ACCSL: variants seen among roughly 807,000 people sequenced by gnomAD.
ACCSL encodes 1-aminocyclopropane-1-carboxylate synthase homolog (inactive) like.
ACCSL carries 55 observed loss-of-function variants against 61.7 expected under a neutral mutation model. That is an observed-to-expected ratio of 0.89 (90% CI 0.72 to 1.12). The LOEUF (loss-of-function observed/expected upper bound fraction) is 1.12. Ranked by LOEUF, ACCSL falls within the 50% of genes most tolerant of loss-of-function variation. ACCSL has a pLI of 0.00. For synonymous variants in ACCSL, 258 were observed against 264.3 expected (o/e 0.98, Z 0.23); for missense variants, 632 against 698.0 (o/e 0.91, Z 1.07).
the ACCSL span, chr11:43,943,526 AGTGC>A: frequency 1.5e-6 from 2 of 1,332,722 alleles, no homozygotes; most frequent in Non-Finnish European, 2.0e-6. The surrounding 1 kb of genome is among the most constrained non-coding windows in gnomAD (Gnocchi z 4.8). Context: ...AACTCTTCCC[AGTGC>A]GAACTCTGCT....
chr11:43,958,874 G>T, the ACCSL span, among the ~76,000 whole-genome samples: 13,889 of 152,148 alleles, frequency 0.091, 652 homozygotes, highest in Non-Finnish European at 0.11. Context: ...TCAACTGGGG[G>T]CTTAGAATTT....
the ACCSL span, among the ~76,000 whole-genome samples, chr11:44,004,128 G>A: frequency 2.0e-5 from 3 of 151,734 alleles, no homozygotes; most frequent in Non-Finnish European, 4.4e-5. Context: ...CAGGGGAGGG[G>A]CTGAGTCTGC....
the ACCSL span, among the ~76,000 whole-genome samples, chr11:43,969,737 G>A: frequency 1.3e-5 from 2 of 152,074 alleles, no homozygotes; most frequent in African/African-American, 4.8e-5. Flanking sequence ...CTGGTCCCCA[G>A]GGCCCTGCCA....
chr11:44,055,662 A>G (rs1352293010), intron 9 of ACCSL, among the ~76,000 whole-genome samples: 1 of 152,252 alleles, frequency 6.6e-6, no homozygotes, highest in Non-Finnish European at 1.5e-5. Flanking sequence ...CAAGGGAAGG[A>G]AATGCCTGGC....
At chr11:44,046,706 A>T (rs1041634200), upstream of ACCSL, among the ~76,000 whole-genome samples, 6 of 152,106 alleles carry the variant, frequency 3.9e-5, no homozygotes, top group Admixed American at 3.9e-4. Context: ...AGGGGGAAAA[A>T]CTTGGAATTG....
the ACCSL span, among the ~76,000 whole-genome samples, chr11:44,042,645 TG>T: frequency 1.3e-5 from 2 of 149,994 alleles, no homozygotes; most frequent in Non-Finnish European, 3.0e-5. Flanking sequence ...TTGTTTGTTT[TG>T]TTTGTTTTTT....
the ACCSL span, among the ~76,000 whole-genome samples, chr11:43,983,840 G>T: frequency 6.6e-6 from 1 of 152,118 alleles, no homozygotes; most frequent in Non-Finnish European, 1.5e-5. Context: ...GTCAGGCCGG[G>T]CGCTGTGGCT....
At chr11:43,943,509 A>AT in the ACCSL span, 8 of 1,355,754 alleles carry the variant, frequency 5.9e-6, no homozygotes, top group Admixed American at 6.6e-5. This position sits in a 1 kb window ranked among gnomAD's most constrained non-coding sequence, Gnocchi z 4.8. Flanking sequence ...GTAAATGTTT[A>AT]TTTTTTAACT....
chr11:44,030,739 A>T, the ACCSL span, among the ~76,000 whole-genome samples: 608 of 151,852 alleles, frequency 4.0e-3, 3 homozygotes, highest in East Asian at 0.03. Flanking sequence ...GTTTGGGTTT[A>T]AAAAAAAATT....
the ACCSL span, among the ~76,000 whole-genome samples, chr11:44,005,743 T>A: frequency 6.6e-6 from 1 of 152,128 alleles, no homozygotes; most frequent in African/African-American, 2.4e-5. Context: ...GGTAAAGCTG[T>A]GCAGGTAATT....
the ACCSL span, among the ~76,000 whole-genome samples, chr11:43,956,586 AT>A: frequency 6.6e-6 from 1 of 152,038 alleles, no homozygotes; most frequent in Non-Finnish European, 1.5e-5. Flanking sequence ...CACCCGGCTA[AT>A]TTTTTGTATT....
the ACCSL span, among the ~76,000 whole-genome samples, chr11:44,014,124 T>C: frequency 6.6e-6 from 1 of 152,222 alleles, no homozygotes; most frequent in Non-Finnish European, 1.5e-5. Context: ...GCCAGTTATA[T>C]ACCGCTGTGA....
chr11:44,048,892 C>T (rs185304116), intron 1 of ACCSL, among the ~76,000 whole-genome samples: 29 of 152,218 alleles, frequency 1.9e-4, no homozygotes, highest in African/African-American at 4.1e-4. Context: ...TTCCCAAGAA[C>T]GTGAAAGGGA....
chr11:44,056,789 G>A (rs1165747841), intron 11 of ACCSL, among the ~76,000 whole-genome samples: 3 of 152,098 alleles, frequency 2.0e-5, no homozygotes, highest in Admixed American at 6.5e-5. Context: ...CCAAGACAGC[G>A]CCATTGACTC....
chr11:43,969,029 C>A, the ACCSL span, among the ~76,000 whole-genome samples: 1 of 152,056 alleles, frequency 6.6e-6, no homozygotes, highest in African/African-American at 2.4e-5. Context: ...TACTTTCTTG[C>A]CAGATTATTA....
At position 44,056,285 on chromosome 11, in the gene ACCSL, G is replaced by T. The variant is rs371005272; in HGVS notation, c.1286G>T (p.Gly429Val). Residue 429 changes from glycine (G) to valine (V), a missense_variant, in exon 11 of 14, where the codon GGC (glycine) becomes GTC (valine). Physicochemically the swap from Gly to Val is moderately radical, Grantham distance 109. Coordinates refer to ENST00000378832, the MANE Select transcript of ACCSL (RefSeq NM_001031854.2). ...TTTGGCTACCTCCACAGTATTTCTG[G>T]CATCACCCAGCACAAGCTGTGTCAA... ...SAFGYLHSIS[G>V]ITQHKLCQLL... 9.3e-6 allele frequency: 15 copies of T among 1,614,010 alleles called. No individual in the cohort carries two copies. Among genetic ancestry groups the T allele is most frequent in the Non-Finnish European group, 1.3e-5 (15 of 1,180,034 alleles).
chr11:44,036,429 T>C, the ACCSL span, among the ~76,000 whole-genome samples: 3 of 152,188 alleles, frequency 2.0e-5, no homozygotes, highest in Admixed American at 6.5e-5. Flanking sequence ...CAAGGACACG[T>C]TCCTCATTGA....
intron 5 of ACCSL, among the ~76,000 whole-genome samples, chr11:44,051,943 G>T (rs772845582): frequency 6.6e-6 from 1 of 152,214 alleles, no homozygotes; most frequent in Non-Finnish European, 1.5e-5. Context: ...CCTCAAGGAG[G>T]TATGCCCCAG....
the ACCSL span, chr11:43,926,291 A>G: frequency 1.1e-4 from 21 of 195,472 alleles, no homozygotes; most frequent in African/African-American, 4.7e-4. Flanking sequence ...TGGTTTCCTA[A>G]TGCACTATCC....
Sources: gnomAD v4.1 joint callset for allele counts (sites outside exome capture counted in the v4.1 genomes callset) on GRCh38, gnomAD v4.1.1 for gene constraint, Gnocchi (gnomAD v3.1) non-coding constraint, MANE v1.5 for transcripts, NCBI Gene and HGNC (gene_info 2026-07-23, HGNC 2026-07-21) for gene names.